EPAS1: variants seen among roughly 807,000 people sequenced by gnomAD.
The protein encoded by EPAS1 is endothelial PAS domain protein 1.
A neutral mutation model predicts 87.9 loss-of-function variants in EPAS1; 23 were observed. That is an observed-to-expected ratio of 0.26 (90% CI 0.19 to 0.37). The LOEUF (loss-of-function observed/expected upper bound fraction) is 0.37. EPAS1 is among the 10% of genes least tolerant of loss of function. EPAS1 has a pLI of 1.00. For synonymous variants in EPAS1, 508 were observed against 444.3 expected (o/e 1.14, Z -1.80); for missense variants, 1,138 against 1,120.7 (o/e 1.02, Z -0.22).
chr2:46,381,410 C>A, intron 12 of EPAS1, 186 bp from the exon 13 acceptor site: 1 of 864,412 alleles, frequency 1.2e-6, no homozygotes, highest in Non-Finnish European at 1.9e-6. Context: ...CATCTTATAG[C>A]TGAGGAAGGA....
At position 46,384,754 on chromosome 2, in the gene EPAS1, A is replaced by C; in HGVS notation, c.*94A>C. On this transcript the variant is annotated 3_prime_UTR_variant, in exon 16 of 16. Transcript: ENST00000263734. ...TTTGCAACTAGGTATTTCTAACGCC[A>C]GCACACTATTTACAAGATGGACTTA... The C allele has an allele frequency of 6.6e-7, 1 of 1,506,596 alleles. No individual in the cohort carries two copies. 93.3% of individuals were successfully genotyped at this position (1,506,596 alleles called of 1,614,324 possible). A position where few individuals can be genotyped will look rare whatever the true frequency, so the allele number is the denominator to read the frequency against.
rs1249125372 is a variant in EPAS1, at chr2:46,378,748, A to G, written c.1535A>G (p.Lys512Arg). 1.9e-6 allele frequency: 3 copies of G among 1,614,160 alleles called. No individual in the cohort carries two copies. The South Asian group carries it at 3.3e-5, about 18-fold the overall frequency. Residue 512 changes from lysine to arginine, a missense_variant, in exon 11 of 16, where the codon AAG becomes AGG. Lys to Arg is a conservative substitution (Grantham distance 26, BLOSUM62 2). Around this residue, in one of 4 missense-constraint regions of EPAS1, gnomAD observed 284 missense variants for 258.4 expected, o/e 1.10. Transcript: ENST00000263734. ...EKLFAMDTEA[K>R]DQCSTQTDFN... is the part of the protein sequence containing the mutation. ...CTCTTCGCCATGGACACAGAGGCCA[A>G]GGACCAATGCAGTACCCAGGTAGAT...
chr2:46,382,368 G>A (rs1684918487), intron 14 of EPAS1, 57 bp from the exon 15 acceptor site: 7 of 1,603,532 alleles, frequency 4.4e-6, no homozygotes, highest in South Asian at 3.3e-5. Flanking sequence ...AGGGCTTCCT[G>A]GCCTCTCCCC....
rs1434199428 is a variant in EPAS1, at chr2:46,346,723, G to T, written c.27-150G>T. 1.4e-5 allele frequency: 11 copies of T among 770,262 alleles called. No individual in the cohort carries two copies. Among genetic ancestry groups the T allele is most frequent in the Middle Eastern group, 3.0e-4 (1 of 3,280 alleles). 47.7% of individuals were successfully genotyped at this position (770,262 alleles called of 1,614,324 possible). ...CAGAGCTAACAATACAAAGCAGGTT[G>T]TGTGTGGCTCAGACAACTGGTGTGA... On this transcript the variant is annotated intron_variant, in intron 1 of 15. Coordinates refer to ENST00000263734, the MANE Select transcript of EPAS1 (RefSeq NM_001430.5). This position sits in a 1 kb window ranked among gnomAD's most constrained non-coding sequence, Gnocchi z 4.0.
At chr2:46,298,242 C>T (rs1368421069) in intron 1 of EPAS1, among the ~76,000 whole-genome samples, 4 of 152,222 alleles carry the variant, frequency 2.6e-5, no homozygotes, top group East Asian at 1.9e-4. Context: ...AATCTCCCAG[C>T]CGCCCCGCAG....
chr2:46,373,707 T>C (rs1354700016), intron 7 of EPAS1, among the ~76,000 whole-genome samples: 1 of 152,252 alleles, frequency 6.6e-6, no homozygotes, highest in Non-Finnish European at 1.5e-5. Flanking sequence ...GCCTTCACTG[T>C]ACCTTTGTCA....
At chr2:46,308,075 C>T (rs985212223) in intron 1 of EPAS1, among the ~76,000 whole-genome samples, 3 of 152,166 alleles carry the variant, frequency 2.0e-5, no homozygotes, top group Non-Finnish European at 2.9e-5. Flanking sequence ...CACTGTGCCT[C>T]CTGAGTTCCT....
At chr2:46,335,424 A>T (rs1031324603) in intron 1 of EPAS1, among the ~76,000 whole-genome samples, 1 of 110,776 alleles carries the variant, frequency 9.0e-6, no homozygotes, top group Admixed American at 1.3e-4. Context: ...TCCATCCAGA[A>T]TGTTTGACGA....
intron 1 of EPAS1, among the ~76,000 whole-genome samples, chr2:46,331,282 T>C (rs867671083): frequency 2.8e-4 from 43 of 152,322 alleles, no homozygotes; most frequent in Admixed American, 1.3e-3. Flanking sequence ...GGGATCTGTC[T>C]TCCCTTCTCT....
chr2:46,384,776 C>A lies in EPAS1; in HGVS notation c.*116C>A. 3 of 1,398,926 alleles carry A rather than the reference C, an allele frequency of 2.1e-6. No individual in the cohort carries two copies. Among genetic ancestry groups the A allele is most frequent in the Non-Finnish European group, 2.9e-6 (3 of 1,024,466 alleles). The allele number at this position is 1,398,926 out of a possible 1,614,324, so 86.7% of individuals were successfully genotyped here. ...GCCAGCACACTATTTACAAGATGGA[C>A]TTACCTGGCAGACTTGCCCAGGTCA... On this transcript the variant is annotated 3_prime_UTR_variant, in exon 16 of 16. Transcript: ENST00000263734.
chr2:46,338,503 A>G (rs184000932), intron 1 of EPAS1, among the ~76,000 whole-genome samples: 5 of 152,152 alleles, frequency 3.3e-5, no homozygotes, highest in Non-Finnish European at 5.9e-5. Context: ...CTGCTTTTTC[A>G]TGAGTGAAGA....
intron 2 of EPAS1, among the ~76,000 whole-genome samples, chr2:46,354,189 C>T (rs190776106): frequency 2.0e-5 from 3 of 152,322 alleles, no homozygotes; most frequent in Admixed American, 6.5e-5. Context: ...GGCCCTTGAA[C>T]GACATTTCAC....
At chr2:46,361,777 T>G (rs918243827) in intron 6 of EPAS1, among the ~76,000 whole-genome samples, 8 of 152,218 alleles carry the variant, frequency 5.3e-5, no homozygotes, top group Non-Finnish European at 7.3e-5. Context: ...TAAGACTGCT[T>G]AGGCATGTCA....
chr2:46,346,987 G>A lies in EPAS1; in HGVS notation c.141G>A (p.Val47=). ...LAHELPLPHS[V]SSHLDKASIM... is the part of the protein sequence containing the mutation. ...ATGAGCTGCCTCTGCCCCACAGTGT[G>A]AGCTCCCATCTGGACAAGGCCTCCA... The change falls in exon 2 of 16, where the codon GTG becomes GTA. Residue 47 remains valine, a synonymous_variant. Coordinates refer to ENST00000263734, the MANE Select transcript of EPAS1 (RefSeq NM_001430.5). The surrounding 1 kb of genome is among the most constrained non-coding windows in gnomAD (Gnocchi z 4.0). 3 of 1,614,208 alleles carry A rather than the reference G, an allele frequency of 1.9e-6. No homozygotes were observed. Among genetic ancestry groups the A allele is most frequent in the Non-Finnish European group, 1.7e-6 (2 of 1,180,030 alleles).
chr2:46,308,943 CA>C, intron 1 of EPAS1, among the ~76,000 whole-genome samples: 1 of 152,336 alleles, frequency 6.6e-6, no homozygotes, highest in Middle Eastern at 3.4e-3. Flanking sequence ...GATGCTTTTA[CA>C]ACTTGCTTTT....
At chr2:46,328,613 C>G (rs548320180) in intron 1 of EPAS1, among the ~76,000 whole-genome samples, 10 of 152,170 alleles carry the variant, frequency 6.6e-5, no homozygotes, top group Non-Finnish European at 1.0e-4. Context: ...AGTACAGAAC[C>G]CAGAAGTCCT....
At chr2:46,329,804 A>T (rs1431963626) in intron 1 of EPAS1, among the ~76,000 whole-genome samples, 1 of 152,172 alleles carries the variant, frequency 6.6e-6, no homozygotes, top group Non-Finnish European at 1.5e-5. Flanking sequence ...GTGACAGAGC[A>T]AGACTCCATC....
chr2:46,344,971 C>T (rs936366745), intron 1 of EPAS1, among the ~76,000 whole-genome samples: 1 of 152,212 alleles, frequency 6.6e-6, no homozygotes, highest in Non-Finnish European at 1.5e-5. Flanking sequence ...GAGGCATGCT[C>T]ACATTCCATG....
rs1158969609 is a variant in EPAS1, at chr2:46,378,684, T to C, written c.1471T>C (p.Ser491Pro). 6.2e-7 allele frequency: 1 copy of C among 1,613,990 alleles called. No individual in the cohort carries two copies. Among genetic ancestry groups the C allele is most frequent in the East Asian group, 2.2e-5 (1 of 44,890 alleles). The change falls in exon 11 of 16, where the codon TCT (serine) becomes CCT (proline). Residue 491 changes from serine to proline, a missense_variant. By Grantham distance (74) the Ser-to-Pro change is moderately conservative. Transcript: ENST00000263734. ...CAATAGCCCTGAAGACTATTACACA[T>C]CTTTGGATAACGACCTGAAGATTGA... Reference protein sequence around the residue: ...TPNSPEDYYTSLDNDLKIEVI... With the variant: ...TPNSPEDYYTPLDNDLKIEVI...
Sources: allele counts gnomAD v4.1 joint callset (sites outside exome capture counted in the v4.1 genomes callset), GRCh38; gene constraint gnomAD v4.1.1; regional missense constraint gnomAD v4.1.1; non-coding constraint Gnocchi (gnomAD v3.1); transcripts MANE v1.5; gene names NCBI Gene and HGNC (gene_info 2026-07-23, HGNC 2026-07-21).